Variants in LRRC17 observed in about 807,000 individuals in gnomAD.
LRRC17 encodes the protein leucine-rich repeat-containing protein 17.
LRRC17 carries 33 observed loss-of-function variants against 41.5 expected under a neutral mutation model. The observed-to-expected ratio is 0.80, with a 90% CI of 0.60 to 1.06. The LOEUF is 1.06. Ranked by LOEUF, LRRC17 falls within the 50% of genes least tolerant of loss-of-function variation. The pLI is 0.00. For synonymous variants in LRRC17, 192 were observed against 197.0 expected (o/e 0.97, Z 0.21); for missense variants, 491 against 519.3 (o/e 0.95, Z 0.53).
At chr7:102,940,584 G>T (rs756772419) in intron 3 of LRRC17, among the ~76,000 whole-genome samples, 1 of 152,126 alleles carries the variant, frequency 6.6e-6, no homozygotes, top group Non-Finnish European at 1.5e-5. Context: ...ATCTTGTTTA[G>T]AATAAATTAG....
At chr7:102,914,050 A>G (rs1468624749) in intron 1 of LRRC17, among the ~76,000 whole-genome samples, 4 of 152,140 alleles carry the variant, frequency 2.6e-5, no homozygotes, top group Admixed American at 2.6e-4. Context: ...ACAATTTCCC[A>G]AGCCCTCCAA....
intron 2 of LRRC17, among the ~76,000 whole-genome samples, chr7:102,938,085 A>T (rs1189753203): frequency 2.6e-5 from 4 of 152,252 alleles, no homozygotes; most frequent in Non-Finnish European, 5.9e-5. Context: ...TTTGCCAAGA[A>T]ATCCTAGTGT....
chr7:102,938,110 ATG>A (rs149440776), intron 2 of LRRC17, among the ~76,000 whole-genome samples: 109 of 152,368 alleles, frequency 7.2e-4, no homozygotes, highest in African/African-American at 2.5e-3. Flanking sequence ...AAGGGAATAA[ATG>A]TGAGACTAAT....
Position 102,913,011 on chromosome 7 carries a change from G to GTGA in LRRC17, c.-274_-272dup. The stretch of plus-strand genomic sequence containing the variant: ...GGTCCGTGCACAGCATTAGTATAAC[G>GTGA]TGAGGGCTGAATGCAGCCCATTCTC... On this transcript the variant is annotated 5_prime_UTR_variant, in exon 1 of 4. The change creates a new upstream start codon in the 5' untranslated region. Coordinates refer to ENST00000339431, the MANE Select transcript of LRRC17 (RefSeq NM_001031692.3). The GTGA allele has an allele frequency of 6.3e-7, 1 of 1,596,296 alleles. No individual in the cohort carries two copies. Among genetic ancestry groups the GTGA allele is most frequent in the Non-Finnish European group, 8.6e-7 (1 of 1,166,616 alleles).
chr7:102,930,581 G>T lies in LRRC17; in HGVS notation c.-140-3193G>T, dbSNP rs75043742. On this transcript the variant is annotated intron_variant, in intron 1 of 3. Coordinates refer to ENST00000339431, the MANE Select transcript of LRRC17 (RefSeq NM_001031692.3). ...CTGATTCTCAAATCTACAATGCATT[G>T]TTCAGTCCTTTTCTTACCTGTTCAC... Among the ~76,000 whole-genome samples, 682 of 152,284 alleles carry T rather than the reference G, an allele frequency of 4.5e-3. 8 individuals are homozygous for T. Among genetic ancestry groups the T allele is most frequent in the African/African-American group, 0.015 (630 of 41,550 alleles).
In LRRC17 at chr7:102,913,015, G is replaced by C; in HGVS notation, c.-271G>C. ...CGTGCACAGCATTAGTATAACGTGAGGGCTGAATGCAGCCCATTCTCTGGA... is the reference window on the plus strand; with the variant it reads ...CGTGCACAGCATTAGTATAACGTGACGGCTGAATGCAGCCCATTCTCTGGA... On this transcript the variant is annotated 5_prime_UTR_variant, in exon 1 of 4. Transcript: ENST00000339431. 6.2e-7 allele frequency: 1 copy of C among 1,602,886 alleles called. No individual in the cohort carries two copies. Among genetic ancestry groups the C allele is most frequent in the Non-Finnish European group, 8.5e-7 (1 of 1,171,814 alleles).
chr7:102,922,385 G>A (rs1262062783), intron 1 of LRRC17, among the ~76,000 whole-genome samples: 1 of 151,850 alleles, frequency 6.6e-6, no homozygotes, highest in African/African-American at 2.4e-5. Context: ...ATCAAATCAT[G>A]CAAATGCAAA....
At chr7:102,914,703 A>T (rs1317138708) in intron 1 of LRRC17, among the ~76,000 whole-genome samples, 1 of 152,248 alleles carries the variant, frequency 6.6e-6, no homozygotes, top group African/African-American at 2.4e-5. Flanking sequence ...TGTACGTGAG[A>T]TTCGACAGAG....
chr7:102,936,279 A>G (rs1291434222), intron 2 of LRRC17: 4 of 152,244 alleles, frequency 2.6e-5, no homozygotes, highest in African/African-American at 7.2e-5. Context: ...GATGAGGAAA[A>G]TGAGGCTCAA....
chr7:102,913,109 G>C lies in LRRC17; in HGVS notation c.-177G>C. ...ACCTGGGTGCAGCCAGAGAGGTCCA[G>C]ATAGATGAGCTTGTGGCATCCATTC... On this transcript the variant is annotated 5_prime_UTR_variant, in exon 1 of 4. Coordinates refer to ENST00000339431, the MANE Select transcript of LRRC17 (RefSeq NM_001031692.3). 6.2e-7 allele frequency: 1 copy of C among 1,614,206 alleles called. No homozygotes were observed. The highest frequency in any genetic ancestry group is 8.5e-7 in the Non-Finnish European group (1 of 1,180,030).
chr7:102,929,539 C>CTA (rs1353367866), intron 1 of LRRC17, among the ~76,000 whole-genome samples: 1 of 151,736 alleles, frequency 6.6e-6, no homozygotes, highest in Non-Finnish European at 1.5e-5. Flanking sequence ...TGGCACGTGC[C>CTA]TATAATCCCA....
chr7:102,920,950 G>A (rs903793977), intron 1 of LRRC17, among the ~76,000 whole-genome samples: 3 of 151,972 alleles, frequency 2.0e-5, no homozygotes, highest in African/African-American at 7.2e-5. Flanking sequence ...TCAGGAGTTC[G>A]AGACCGGCCT....
intron 3 of LRRC17, among the ~76,000 whole-genome samples, chr7:102,941,064 T>C (rs4727558): frequency 0.97 from 148,045 of 152,344 alleles, 72,091 homozygotes; most frequent in East Asian, 1. Flanking sequence ...GAGTTAACCT[T>C]TTTTTAAAAA....
Position 102,913,328 on chromosome 7 carries a change from G to A in LRRC17, c.-141+183G>A, listed in dbSNP as rs373644482. 8.3e-6 allele frequency: 11 copies of A among 1,322,268 alleles called. 1 individual carries two copies. The highest frequency in any genetic ancestry group is 2.2e-4 in the Middle Eastern group (1 of 4,592). The allele number at this position is 1,322,268 out of a possible 1,614,324, so 81.9% of individuals were successfully genotyped here. ...AAATTCAACTCTTCTTCTTGCAGATGTTCAACATTTAACTTTACTGTTAAC... is the reference window on the plus strand; with the variant it reads ...AAATTCAACTCTTCTTCTTGCAGATATTCAACATTTAACTTTACTGTTAAC... On this transcript the variant is annotated intron_variant, in intron 1 of 3. Transcript: ENST00000339431.
intron 3 of LRRC17, 107 bp from the exon 4 acceptor site, chr7:102,944,102 CA>C: frequency 1.2e-6 from 1 of 866,462 alleles, no homozygotes; most frequent in Non-Finnish European, 1.7e-6. Context: ...TCTTTATTTT[CA>C]AAGGGGAAAA....
Position 102,913,057 on chromosome 7 carries a change from C to T in LRRC17, c.-229C>T, listed in dbSNP as rs369116921. 5.6e-6 allele frequency: 9 copies of T among 1,613,814 alleles called. No individual in the cohort carries two copies. The highest frequency in any genetic ancestry group is 2.2e-5 in the South Asian group (2 of 91,036). ...TTCTCTGGAGAACTTCCTCACACAC[C>T]GCAGCAAAGAGAAGACTGAAAGACA... is the stretch of plus-strand genomic sequence containing the variant. On this transcript the variant is annotated 5_prime_UTR_variant, in exon 1 of 4. Coordinates refer to ENST00000339431, the MANE Select transcript of LRRC17 (RefSeq NM_001031692.3).
chr7:102,921,147 G>A (rs931222929), intron 1 of LRRC17, among the ~76,000 whole-genome samples: 4 of 151,330 alleles, frequency 2.6e-5, no homozygotes, highest in Non-Finnish European at 4.4e-5. Flanking sequence ...GCGAGACTCC[G>A]TCTCAAAACA....
At chr7:102,921,629 G>A (rs1208828918) in intron 1 of LRRC17, among the ~76,000 whole-genome samples, 1 of 151,904 alleles carries the variant, frequency 6.6e-6, no homozygotes, top group African/African-American at 2.4e-5. Flanking sequence ...ATGGTGAGCC[G>A]AGATCATACC....
At position 102,942,284 on chromosome 7, in the gene LRRC17, T is replaced by C. The variant is rs191998640; in HGVS notation, c.929-1926T>C. 320 of 1,598,034 alleles carry C rather than the reference T, an allele frequency of 2.0e-4. No homozygotes were observed. In the African/African-American group the frequency reaches 3.9e-3, roughly 19 times the overall value. ...GTTTTAAAATGAAAGGTCTCCTATA[T>C]TTCAGGGTCTTTGAGATGAAACCCT... On this transcript the variant is annotated intron_variant, in intron 3 of 3. Transcript: ENST00000339431.
Sources: allele counts gnomAD v4.1 joint callset (sites outside exome capture counted in the v4.1 genomes callset), GRCh38; gene constraint gnomAD v4.1.1; transcripts MANE v1.5; gene names NCBI Gene and HGNC (gene_info 2026-07-23, HGNC 2026-07-21).